UPP2: variants seen among roughly 807,000 people sequenced by gnomAD.
UPP2 encodes the protein uridine phosphorylase 2.
A neutral mutation model predicts 26.7 loss-of-function variants in UPP2; 23 were observed. The observed-to-expected ratio is 0.86, with a 90% confidence interval of 0.62 to 1.22. The LOEUF (loss-of-function observed/expected upper bound fraction) is 1.22, where lower values mean the gene tolerates loss of function less well. UPP2 is among the 50% of genes most tolerant of loss of function. UPP2 has a pLI of 0.00. For missense variants in UPP2, 387 were observed against 396.7 expected, an observed-to-expected ratio of 0.98 and a Z score of 0.21; for synonymous variants, 127 against 141.3, an observed-to-expected ratio of 0.90 and a Z score of 0.72.
At chr2:158,056,186 A>G (rs1191869337) in intron 3 of UPP2, among the ~76,000 whole-genome samples, 2 of 152,180 alleles carry the variant, frequency 1.3e-5, no homozygotes, top group Non-Finnish European at 2.9e-5. Flanking sequence ...GAAATAAGAA[A>G]AAGGTTCTTT....
rs547646518 is a variant in UPP2, at chr2:158,011,613, A to G, written c.62-4188A>G. On this transcript the variant is annotated intron_variant, in intron 2 of 9. Transcript: ENST00000605860. ...CACTGAAGGGAACCAATCACTGTGG[A>G]GGAGGATGTAGGGTCATGTGAAAAG... 9.8e-5 allele frequency among the ~76,000 whole-genome samples: 14 copies of G among 142,216 alleles called. No individual in the cohort carries two copies. In the South Asian group the frequency reaches 3.6e-3, roughly 36 times the overall value. The allele number at this position is 142,216 out of a possible 152,430, so 93.3% of individuals were successfully genotyped here. A position where few individuals can be genotyped will look rare whatever the true frequency, so the allele number is the denominator to read the frequency against.
At chr2:158,016,919 T>C (rs986075172) in intron 3 of UPP2, among the ~76,000 whole-genome samples, 7 of 152,180 alleles carry the variant, frequency 4.6e-5, no homozygotes, top group Non-Finnish European at 1.0e-4. Context: ...TTGTAACTGC[T>C]CATTACAGGG....
intron 2 of UPP2, among the ~76,000 whole-genome samples, chr2:158,012,391 C>T (rs758796093): frequency 1.3e-5 from 2 of 150,810 alleles, no homozygotes; most frequent in Non-Finnish European, 2.9e-5. Flanking sequence ...CCTCAGCTTC[C>T]CGAGTAGCTG....
intron 3 of UPP2, among the ~76,000 whole-genome samples, chr2:158,086,943 T>A (rs1043134872): frequency 3.9e-5 from 6 of 152,154 alleles, no homozygotes; most frequent in Admixed American, 6.5e-5. Context: ...CGCCATGTGC[T>A]GAGGAATAGA....
intron 3 of UPP2, among the ~76,000 whole-genome samples, chr2:158,020,761 A>T (rs1683737572): frequency 6.6e-6 from 1 of 152,216 alleles, no homozygotes; most frequent in Non-Finnish European, 1.5e-5. Context: ...GATGTTAAAC[A>T]CAATCCCTGT....
At chr2:158,121,341 T>G in intron 4 of UPP2, 68 bp from the exon 5 acceptor site, 1 of 1,392,804 alleles carries the variant, frequency 7.2e-7, no homozygotes, top group East Asian at 2.3e-5. Context: ...TAGAATAAGT[T>G]ACATACTATG....
intron 3 of UPP2, among the ~76,000 whole-genome samples, chr2:158,070,167 GTC>G (rs1682515827): frequency 6.6e-6 from 1 of 152,094 alleles, no homozygotes; most frequent in Non-Finnish European, 1.5e-5. Flanking sequence ...TGCTACTGTA[GTC>G]TCTCCCTATA....
At chr2:158,092,632 C>G (rs1682928435) in intron 3 of UPP2, among the ~76,000 whole-genome samples, 1 of 152,184 alleles carries the variant, frequency 6.6e-6, no homozygotes, top group Admixed American at 6.5e-5. Flanking sequence ...TGATCAAAGA[C>G]ATTGGCAGAC....
At chr2:158,079,672 CT>C (rs1682690451) in intron 3 of UPP2, among the ~76,000 whole-genome samples, 1 of 151,818 alleles carries the variant, frequency 6.6e-6, no homozygotes, top group South Asian at 2.1e-4. Flanking sequence ...TTTCAAATGG[CT>C]GAAAAAAAGC....
chr2:158,017,023 G>A (rs1683670268), intron 3 of UPP2, among the ~76,000 whole-genome samples: 1 of 152,122 alleles, frequency 6.6e-6, no homozygotes, highest in African/African-American at 2.4e-5. Flanking sequence ...AAAAGGAATG[G>A]GAGTGGTACT....
At chr2:158,002,272 A>G (rs1360740550) in intron 2 of UPP2, among the ~76,000 whole-genome samples, 1 of 152,238 alleles carries the variant, frequency 6.6e-6, no homozygotes, top group Non-Finnish European at 1.5e-5. Context: ...GATGAGTACC[A>G]AAGATAAACG....
chr2:158,011,840 C>T (rs1013361707), intron 2 of UPP2, among the ~76,000 whole-genome samples: 1 of 152,162 alleles, frequency 6.6e-6, no homozygotes, highest in Non-Finnish European at 1.5e-5. Flanking sequence ...AATAGAAGAT[C>T]CTAGGGTAGG....
intron 3 of UPP2, among the ~76,000 whole-genome samples, chr2:158,117,043 T>C (rs1282682904): frequency 6.6e-6 from 1 of 152,100 alleles, no homozygotes; most frequent in Admixed American, 6.5e-5. Flanking sequence ...AGAGCACATT[T>C]GACTCTCTGC....
At chr2:158,102,325 G>A (rs73007713) in intron 1 of UPP2, among the ~76,000 whole-genome samples, 200 bp downstream of exon 1, 1 of 152,078 alleles carries the variant, frequency 6.6e-6, no homozygotes, top group Non-Finnish European at 1.5e-5. Context: ...GGTTTTGGGG[G>A]TTAGGGTTTG....
At chr2:158,046,527 T>C (rs772152439) in intron 3 of UPP2, among the ~76,000 whole-genome samples, 2 of 152,184 alleles carry the variant, frequency 1.3e-5, no homozygotes, top group African/African-American at 2.4e-5. Flanking sequence ...GAGACGGAGC[T>C]ACACACAAAA....
intron 3 of UPP2, among the ~76,000 whole-genome samples, chr2:158,092,366 A>G (rs1355948434): frequency 6.6e-6 from 1 of 152,230 alleles, no homozygotes; most frequent in Admixed American, 6.5e-5. Context: ...GAGACAGATT[A>G]CTTACTCAAA....
At chr2:158,104,114 T>C (rs1332596860) in intron 1 of UPP2, among the ~76,000 whole-genome samples, 1 of 152,216 alleles carries the variant, frequency 6.6e-6, no homozygotes, top group Non-Finnish European at 1.5e-5. Context: ...AAGAAGGATA[T>C]TTGAGATAGC....
At chr2:158,064,901 G>A (rs1458317629) in intron 3 of UPP2, among the ~76,000 whole-genome samples, 1 of 152,176 alleles carries the variant, frequency 6.6e-6, no homozygotes, top group East Asian at 1.9e-4. Context: ...GGTTGTAGAT[G>A]TGCAATGCTA....
chr2:158,125,421 T>C (rs1054276657), intron 6 of UPP2, among the ~76,000 whole-genome samples: 5 of 88,014 alleles, frequency 5.7e-5, no homozygotes, highest in African/African-American at 3.3e-4. Context: ...TTTTGTACTC[T>C]TTTTTTTTTT....
Sources: gnomAD v4.1 joint callset for allele counts (sites outside exome capture counted in the v4.1 genomes callset) on GRCh38, gnomAD v4.1.1 for gene constraint, MANE v1.5 for transcripts, NCBI Gene and HGNC (gene_info 2026-07-23, HGNC 2026-07-21) for gene names.